The following MLLT10 variants were observed in gnomAD, a reference collection of about 807,000 sequenced individuals.
MLLT10 encodes MLLT10 histone lysine methyltransferase DOT1L cofactor.
A neutral mutation model predicts 129.1 loss-of-function variants in MLLT10; 30 were observed. That is an observed-to-expected ratio of 0.23 (90% CI 0.17 to 0.32). The LOEUF (loss-of-function observed/expected upper bound fraction) is 0.32, where lower values mean the gene tolerates loss of function less well. Among genes scored for constraint, MLLT10 ranks in the 10% least tolerant of loss-of-function variants. MLLT10 has a pLI of 1.00. For synonymous variants in MLLT10, 490 were observed against 446.4 expected, an observed-to-expected ratio of 1.10 and a Z score of -1.23; for missense variants, 1,119 against 1,268.3, an observed-to-expected ratio of 0.88 and a Z score of 1.79.
At chr10:21,569,640 C>T (rs567778989) in intron 3 of MLLT10, among the ~76,000 whole-genome samples, 14 of 152,198 alleles carry the variant, frequency 9.2e-5, no homozygotes, top group African/African-American at 2.9e-4. Flanking sequence ...AGGCTGGACT[C>T]GAATTCCTGA....
chr10:21,693,181 T>C (rs1355029265), intron 13 of MLLT10, among the ~76,000 whole-genome samples: 1 of 152,160 alleles, frequency 6.6e-6, no homozygotes, highest in African/African-American at 2.4e-5. Context: ...AGAGAAAAAA[T>C]CACCCCATGT....
At chr10:21,573,508 G>T (rs1211493092) in intron 3 of MLLT10, among the ~76,000 whole-genome samples, 2 of 151,952 alleles carry the variant, frequency 1.3e-5, no homozygotes, top group Admixed American at 1.3e-4. Context: ...TTGAGATAAT[G>T]CTATGTTTTT....
chr10:21,581,149 C>A (rs1434748130), intron 3 of MLLT10, among the ~76,000 whole-genome samples: 1 of 150,966 alleles, frequency 6.6e-6, no homozygotes, highest in Non-Finnish European at 1.5e-5. Flanking sequence ...GGGTTCACAC[C>A]ATCCTCCTGC....
At chr10:21,664,902 T>G (rs906783489) in intron 9 of MLLT10, among the ~76,000 whole-genome samples, 4 of 151,900 alleles carry the variant, frequency 2.6e-5, no homozygotes, top group Non-Finnish European at 2.9e-5. Flanking sequence ...GCTTATACTT[T>G]CTTTGTGCCT....
At chr10:21,692,377 C>G (rs1428852534) in intron 13 of MLLT10, among the ~76,000 whole-genome samples, 1 of 151,476 alleles carries the variant, frequency 6.6e-6, no homozygotes, top group African/African-American at 2.4e-5. Context: ...GCTTTGTTGC[C>G]CAGACTGGTT....
intron 3 of MLLT10, among the ~76,000 whole-genome samples, chr10:21,578,628 T>C (rs934237074): frequency 6.6e-6 from 1 of 152,208 alleles, no homozygotes. Flanking sequence ...TTGAATTAAT[T>C]TTTAAGTATA....
chr10:21,539,128 A>C (rs1164250996), intron 3 of MLLT10, among the ~76,000 whole-genome samples: 1 of 152,232 alleles, frequency 6.6e-6, no homozygotes, highest in Non-Finnish European at 1.5e-5. Flanking sequence ...TACTTTGAAA[A>C]CAAAAATACA....
chr10:21,722,763 A>G (rs947502973), intron 14 of MLLT10, among the ~76,000 whole-genome samples: 1 of 152,150 alleles, frequency 6.6e-6, no homozygotes, highest in Non-Finnish European at 1.5e-5. Flanking sequence ...CGAAAGACTC[A>G]TCAAGGGTCC....
Position 21,707,189 on chromosome 10 carries a change from ATTT to A in MLLT10, c.1700-6564_1700-6562del, listed in dbSNP as rs1199544245. Among the ~76,000 whole-genome samples the A allele has an allele frequency of 4.0e-3, 495 of 122,474 alleles. 2 individuals are homozygous for A. The highest frequency in any genetic ancestry group is 0.015 in the African/African-American group (456 of 31,368). 80.3% of individuals were successfully genotyped at this position (122,474 alleles called of 152,430 possible). On this transcript the variant is annotated intron_variant, in intron 13 of 22. Transcript: ENST00000307729. ...TCTAATTTGTCATCAAGTTTAGATG[ATTT>A]TTTTTTTTTTTTTTTTTTGAGACGG...
chr10:21,673,665 C>G lies in MLLT10; in HGVS notation c.1367C>G (p.Ser456Cys). The G allele has an allele frequency of 6.2e-7, 1 of 1,614,052 alleles. No homozygotes were observed. Among genetic ancestry groups the G allele is most frequent in the Non-Finnish European group, 8.5e-7 (1 of 1,180,006 alleles). ...PTAGYKRAQT[S>C]GIEEETVKEK... ...GCAGGATATAAGCGGGCTCAAACTT[C>G]TGGCATAGAAGAAGAAACTGTAAAG... Residue 456 changes from serine (S) to cysteine (C), a missense_variant, in exon 11 of 23, where the codon TCT becomes TGT. By Grantham distance (112) the Ser-to-Cys change is moderately radical. Coordinates refer to ENST00000307729, the MANE Select transcript of MLLT10 (RefSeq NM_001195626.3).
chr10:21,583,628 G>C (rs1450284979), intron 3 of MLLT10, among the ~76,000 whole-genome samples: 1 of 152,144 alleles, frequency 6.6e-6, no homozygotes, highest in African/African-American at 2.4e-5. Flanking sequence ...TGGGAATGGG[G>C]ACCAGGAGTG....
chr10:21,676,991 A>G (rs1353851344), intron 11 of MLLT10, among the ~76,000 whole-genome samples: 3 of 152,194 alleles, frequency 2.0e-5, no homozygotes, highest in Non-Finnish European at 4.4e-5. Context: ...AACACTTAGT[A>G]TGTGCCACAC....
intron 9 of MLLT10, among the ~76,000 whole-genome samples, chr10:21,652,724 C>T (rs543923233): frequency 3.3e-5 from 5 of 152,224 alleles, no homozygotes; most frequent in East Asian, 3.9e-4. Context: ...TGAGATGTAA[C>T]GTGGTCTGAC....
chr10:21,613,014 C>T (rs1471029863), intron 6 of MLLT10, among the ~76,000 whole-genome samples: 3 of 151,738 alleles, frequency 2.0e-5, no homozygotes, highest in African/African-American at 7.3e-5. Flanking sequence ...GCCAACATGG[C>T]AAAACCGTGT....
chr10:21,602,782 G>A (rs2043674553), intron 5 of MLLT10, among the ~76,000 whole-genome samples: 2 of 151,036 alleles, frequency 1.3e-5, no homozygotes, highest in African/African-American at 4.9e-5. Flanking sequence ...AGGCTGGAGT[G>A]CAGTGGCGCA....
At chr10:21,739,960 A>C (rs1387354141) in intron 21 of MLLT10, 70 bp from the exon 22 acceptor site, 1 of 1,204,742 alleles carries the variant, frequency 8.3e-7, no homozygotes, top group African/African-American at 1.5e-5. Flanking sequence ...AAGAAAACAT[A>C]AGGCAGCTCA....
At chr10:21,630,115 C>T (rs959600010) in intron 8 of MLLT10, among the ~76,000 whole-genome samples, 2 of 152,118 alleles carry the variant, frequency 1.3e-5, no homozygotes, top group Non-Finnish European at 2.9e-5. Flanking sequence ...AGCAAAGAAA[C>T]TAGATGTGGG....
At chr10:21,536,415 T>C (rs892723990) in intron 2 of MLLT10, among the ~76,000 whole-genome samples, 1 of 152,338 alleles carries the variant, frequency 6.6e-6, no homozygotes, top group Admixed American at 6.5e-5. Flanking sequence ...ACTATCAAAA[T>C]TTGATAATTT....
At chr10:21,586,211 A>G (rs2041969011) in intron 3 of MLLT10, 83 bp from the exon 4 acceptor site, 1 of 1,039,048 alleles carries the variant, frequency 9.6e-7, no homozygotes, top group Non-Finnish European at 1.4e-6. Flanking sequence ...TCACATTTTC[A>G]GTAGTTTTGA....
Sources: allele counts gnomAD v4.1 joint callset (sites outside exome capture counted in the v4.1 genomes callset), GRCh38; gene constraint gnomAD v4.1.1; transcripts MANE v1.5; gene names NCBI Gene and HGNC (gene_info 2026-07-23, HGNC 2026-07-21).